HMCN2: variants seen among roughly 807,000 people sequenced by gnomAD.
The protein encoded by HMCN2 is hemicentin-2.
In HMCN2, 325 loss-of-function variants were observed where a neutral mutation model predicts 377.5. That is an observed-to-expected ratio of 0.86 (90% CI 0.79 to 0.94). The LOEUF (loss-of-function observed/expected upper bound fraction) is 0.94. Ranked by LOEUF, HMCN2 falls within the 40% of genes least tolerant of loss-of-function variation. HMCN2 has a pLI of 0.00. For synonymous variants in HMCN2, 2,007 were observed against 2,046.8 expected (o/e 0.98, Z 0.53); for missense variants, 4,543 against 4,725.3 (o/e 0.96, Z 1.13).
rs201762394 is a variant in HMCN2 at position 130,351,818 on chromosome 9, TG to T, written c.4585+242del. 1.4e-5 allele frequency among the ~76,000 whole-genome samples: 2 copies of T among 141,488 alleles called. No homozygotes were observed. The highest frequency in any genetic ancestry group is 1.5e-5 in the Non-Finnish European group (1 of 64,738). The allele number at this position is 141,488 out of a possible 152,430, so 92.8% of individuals were successfully genotyped here. On this transcript the variant is annotated intron_variant, in intron 30 of 97. Coordinates refer to ENST00000683500, the MANE Select transcript of HMCN2 (RefSeq NM_001291815.2). The surrounding 1 kb of genome is among the most constrained non-coding windows in gnomAD (Gnocchi z 5.4). ...CCCAGCTCTAAAAATTTACTACTTA[TG>T]TTTTTTTTTTGAGATGAATTCTCTC...
At chr9:130,363,928 GAGAA>G (rs1840539242) in intron 40 of HMCN2, among the ~76,000 whole-genome samples, 1 of 144,752 alleles carries the variant, frequency 6.9e-6, no homozygotes, top group African/African-American at 2.6e-5. Context: ...AAAGGAAAAA[GAGAA>G]GGAAGGAAGG....
chr9:130,362,265 G>T, intron 39 of HMCN2, 100 bp downstream of exon 39: 4 of 833,834 alleles, frequency 4.8e-6, no homozygotes, highest in Non-Finnish European at 5.8e-6. Flanking sequence ...GGGAGAAGCA[G>T]CGATAGCCCA....
intron 54 of HMCN2, among the ~76,000 whole-genome samples, chr9:130,380,925 G>T (rs1328607849): frequency 7.8e-6 from 1 of 128,950 alleles, no homozygotes; most frequent in Non-Finnish European, 1.7e-5. Context: ...CTGACCCCAA[G>T]TCCTGGGTGC....
chr9:130,286,967 C>T (rs1336036995), intron 4 of HMCN2, among the ~76,000 whole-genome samples: 12 of 152,180 alleles, frequency 7.9e-5, no homozygotes, highest in South Asian at 2.1e-4. Flanking sequence ...CACTCCCGTC[C>T]GCTCCCAGGA....
At chr9:130,371,678 A>G (rs1588331934) in intron 46 of HMCN2, among the ~76,000 whole-genome samples, 1 of 152,248 alleles carries the variant, frequency 6.6e-6, no homozygotes, top group East Asian at 1.9e-4. Context: ...TGAGATGGCA[A>G]ATACATTTCC....
chr9:130,386,814 T>A (rs986732634), intron 61 of HMCN2, among the ~76,000 whole-genome samples: 1 of 152,200 alleles, frequency 6.6e-6, no homozygotes, highest in Non-Finnish European at 1.5e-5. Flanking sequence ...CCAGCTAATT[T>A]CTAGAATTTA....
At chr9:130,395,443 G>A in intron 71 of HMCN2, 96 bp downstream of exon 71, 1 of 1,082,398 alleles carries the variant, frequency 9.2e-7, no homozygotes, top group Non-Finnish European at 1.2e-6. Flanking sequence ...GGGTGCCAAG[G>A]GCCCGCTCTG....
At position 130,354,988 on chromosome 9, in the gene HMCN2, G is replaced by C. The variant is rs1428450797; in HGVS notation, c.5090G>C (p.Cys1697Ser). ...PGEASSGLYS[C>S]VASSPAGEAV... The stretch of plus-strand genomic sequence containing the variant: ...GAGGCATCCAGTGGCCTGTACAGCT[G>C]TGTGGCCAGCAGTCCTGCCGGGGAA... The change falls in exon 32 of 98, where the codon TGT becomes TCT. Residue 1697 changes from cysteine to serine, a missense_variant. Physicochemically the swap from Cys to Ser is moderately radical, Grantham distance 112. Around this residue, in one of 5 missense-constraint regions of HMCN2, gnomAD observed 1,032 missense variants for 1,285.1 expected, o/e 0.80. Transcript: ENST00000683500. 2 of 1,298,212 alleles carry C rather than the reference G, an allele frequency of 1.5e-6. No homozygotes were observed. Among genetic ancestry groups the C allele is most frequent in the Non-Finnish European group, 2.0e-6 (2 of 988,772 alleles). The allele number at this position is 1,298,212 out of a possible 1,614,324, so 80.4% of individuals were successfully genotyped here.
chr9:130,354,797 AT>A lies in HMCN2; in HGVS notation c.4900del (p.Tyr1634ThrfsTer3). 1.5e-6 allele frequency: 2 copies of A among 1,304,030 alleles called. No individual in the cohort carries two copies. Among genetic ancestry groups the A allele is most frequent in the Non-Finnish European group, 2.0e-6 (2 of 988,798 alleles). 80.8% of individuals were successfully genotyped at this position (1,304,030 alleles called of 1,614,324 possible). On this transcript the variant is annotated frameshift_variant, in exon 32 of 98. Transcript: ENST00000683500. LOFTEE classifies it high-confidence loss of function. Reference protein sequence around the residue: ...PTIEGAGGRPYVVKAVAGRPV... With the variant: ...PTIEGAGGRPXVVKAVAGRPV... ...CCATCGAGGGCGCCGGTGGAAGACC[AT>A]ACGTGGTGAAGGCTGTGGCTGGGAG...
Position 130,386,521 on chromosome 9 carries a change from C to A in HMCN2, c.9388C>A (p.Gln3130Lys). 7.7e-7 allele frequency: 1 copy of A among 1,302,572 alleles called. No individual in the cohort carries two copies. Among genetic ancestry groups the A allele is most frequent in the Non-Finnish European group, 1.0e-6 (1 of 988,566 alleles). 80.7% of individuals were successfully genotyped at this position (1,302,572 alleles called of 1,614,324 possible). A position where few individuals can be genotyped will look rare whatever the true frequency, so the allele number is the denominator to read the frequency against. ...CGTGCGGACCTTCACCCTCACCGTC[C>A]AGGGTAAGCCAGGGACCAGCCTAGC... The part of the protein sequence containing the change: ...EAVRTFTLTV[Q>K]VPPTFENPKT... Residue 3130 changes from glutamine to lysine, a missense_variant, in exon 61 of 98, where the codon CAG (glutamine) becomes AAG (lysine). By Grantham distance (53) the Gln-to-Lys change is moderately conservative (BLOSUM62 1). Coordinates refer to ENST00000683500, the MANE Select transcript of HMCN2 (RefSeq NM_001291815.2).
In HMCN2 at chr9:130,408,740, C is replaced by G. The variant is rs573637567; in HGVS notation, c.12689-3C>G. The G allele has an allele frequency of 3.9e-5, 50 of 1,287,294 alleles. No individual in the cohort carries two copies. Among genetic ancestry groups the G allele is most frequent in the Admixed American group, 9.2e-5 (4 of 43,376 alleles). 79.7% of individuals were successfully genotyped at this position (1,287,294 alleles called of 1,614,324 possible). ...ACAACTTGCTCGATGTCACCCCATG[C>G]AGAGGCTCCTGTCCTACAAGGGGAG... On this transcript the variant is annotated splice_region_variant and splice_polypyrimidine_tract_variant and intron_variant, in intron 83 of 97. Transcript: ENST00000683500.
In HMCN2 at chr9:130,390,972, C is replaced by G. The variant is rs1430230246; in HGVS notation, c.9524-5C>G. The G allele has an allele frequency of 1.0e-6, 1 of 986,690 alleles. No individual in the cohort carries two copies. Among genetic ancestry groups the G allele is most frequent in the Non-Finnish European group, 1.2e-6 (1 of 830,128 alleles). 61.1% of individuals were successfully genotyped at this position (986,690 alleles called of 1,614,324 possible). On this transcript the variant is annotated splice_region_variant and splice_polypyrimidine_tract_variant and intron_variant, in intron 62 of 97. Transcript: ENST00000683500. Reference sequence around the variant, plus strand: ...GGGGATTCAGGGGACCCCTCTGTCCCACAGAGAGCAGCGCGGTGCACGGTG... The same window carrying G: ...GGGGATTCAGGGGACCCCTCTGTCCGACAGAGAGCAGCGCGGTGCACGGTG...
intron 48 of HMCN2, 60 bp downstream of exon 48, chr9:130,373,184 A>T: frequency 1.2e-5 from 8 of 661,260 alleles, no homozygotes; most frequent in Non-Finnish European, 1.5e-5. Flanking sequence ...TTCAGAAAGG[A>T]GGGGATCCCT....
chr9:130,333,856 A>G (rs1838567689), intron 22 of HMCN2, among the ~76,000 whole-genome samples: 1 of 152,240 alleles, frequency 6.6e-6, no homozygotes, highest in Admixed American at 6.5e-5. Flanking sequence ...GCGCAGGGTC[A>G]TGATAAGGCA....
chr9:130,282,334 G>A (rs1835164977), intron 1 of HMCN2, among the ~76,000 whole-genome samples: 3 of 152,212 alleles, frequency 2.0e-5, no homozygotes, highest in Non-Finnish European at 2.9e-5. Flanking sequence ...AGGAGAAATG[G>A]CGTTGTTACA....
At chr9:130,336,859 G>C (rs1838781629) in intron 22 of HMCN2, among the ~76,000 whole-genome samples, 1 of 152,158 alleles carries the variant, frequency 6.6e-6, no homozygotes. Context: ...CCCGCGAGGT[G>C]GGGGCTATGA....
intron 22 of HMCN2, 92 bp downstream of exon 22, chr9:130,327,567 C>T: frequency 6.6e-6 from 1 of 152,370 alleles, no homozygotes; most frequent in East Asian, 1.9e-4. Flanking sequence ...TGTCTTGGAC[C>T]CTGCAGTCTC....
At position 130,428,947 on chromosome 9, in the gene HMCN2, A is replaced by C. The variant is rs1469411881; in HGVS notation, c.14197+458A>C. Among the ~76,000 whole-genome samples, 1 of 152,190 alleles carries C rather than the reference A, an allele frequency of 6.6e-6. No individual in the cohort carries two copies. The highest frequency in any genetic ancestry group is 1.5e-5 in the Non-Finnish European group (1 of 68,032). On this transcript the variant is annotated intron_variant, in intron 93 of 97. Coordinates refer to ENST00000683500, the MANE Select transcript of HMCN2 (RefSeq NM_001291815.2). The surrounding 1 kb of genome is among the most constrained non-coding windows in gnomAD (Gnocchi z 5.0). ...GTGCCACCCCTGGATGGGTGACCTC[A>C]ATGGTCCTTCCTGCTCTAACAGTCT...
Position 130,394,335 on chromosome 9 carries a change from G to A in HMCN2, c.10502-50G>A. 4 of 1,187,890 alleles carry A rather than the reference G, an allele frequency of 3.4e-6. No homozygotes were observed. The Middle Eastern group carries it at 6.8e-4, about 201-fold the overall frequency. 73.6% of individuals were successfully genotyped at this position (1,187,890 alleles called of 1,614,324 possible). On this transcript the variant is annotated intron_variant, in intron 68 of 97. Coordinates refer to ENST00000683500, the MANE Select transcript of HMCN2 (RefSeq NM_001291815.2). The surrounding 1 kb of genome is among the most constrained non-coding windows in gnomAD (Gnocchi z 5.1). ...GCACAGTGTTTTCAAGTGCGGTGCT[G>A]TCCCGGAAATGTGTGTCAATTGTGT...
Sources: gnomAD v4.1 joint callset for allele counts (sites outside exome capture counted in the v4.1 genomes callset) on GRCh38, gnomAD v4.1.1 for gene constraint, gnomAD v4.1.1 regional missense constraint, Gnocchi (gnomAD v3.1) non-coding constraint, MANE v1.5 for transcripts, NCBI Gene and HGNC (gene_info 2026-07-23, HGNC 2026-07-21) for gene names.